DAB1: variants seen among roughly 807,000 people sequenced by gnomAD.
DAB1 encodes DAB adaptor protein 1.
In DAB1, 15 loss-of-function variants were observed where a neutral mutation model predicts 64.6. The ratio of observed to expected loss-of-function variants is 0.23; its 90% confidence interval spans 0.16 to 0.36. The LOEUF is 0.36. Among genes scored for constraint, DAB1 ranks in the 10% least tolerant of loss-of-function variants. The pLI is 1.00. For synonymous variants in DAB1, 235 were observed against 251.9 expected, an observed-to-expected ratio of 0.93 and a Z score of 0.64; for missense variants, 596 against 706.7, an observed-to-expected ratio of 0.84 and a Z score of 1.78.
exon 2 of DAB1, chr1:58,527,284 T>C: frequency 1.1e-6 from 1 of 872,380 alleles, no homozygotes; most frequent in Non-Finnish European, 2.0e-6. Context: ...AGTAGTCCAA[T>C]TTTGTCAGCT....
chr1:57,531,059 C>A lies in DAB1; in HGVS notation n.625+118533G>T, dbSNP rs556063540. Among the ~76,000 whole-genome samples, 4 of 152,282 alleles carry A rather than the reference C, an allele frequency of 2.6e-5. No homozygotes were observed. In the South Asian group the frequency reaches 8.3e-4, roughly 32 times the overall value. On this transcript the variant is annotated intron_variant and non_coding_transcript_variant, in intron 7 of 20. Transcript: ENST00000485760. ...AGGCAAATCAAGTACCAGTGTCAAGCCTCCGAGCCCAAGCTAAGCCATCAC... is the reference window on the plus strand; with the variant it reads ...AGGCAAATCAAGTACCAGTGTCAAGACTCCGAGCCCAAGCTAAGCCATCAC...
chr1:57,314,021 AT>A (rs1269598578), intron 1 of DAB1, among the ~76,000 whole-genome samples: 4 of 152,152 alleles, frequency 2.6e-5, no homozygotes, highest in Admixed American at 6.5e-5. Flanking sequence ...AATTTCTGTT[AT>A]TTACAAACCA....
chr1:57,322,831 G>C (rs1675831431), intron 1 of DAB1, among the ~76,000 whole-genome samples: 1 of 152,182 alleles, frequency 6.6e-6, no homozygotes, highest in Non-Finnish European at 1.5e-5. Context: ...TGAATGCACT[G>C]TTGCACCACC....
chr1:57,123,069 C>T (rs1656808106), intron 4 of DAB1, among the ~76,000 whole-genome samples: 1 of 151,946 alleles, frequency 6.6e-6, no homozygotes, highest in South Asian at 2.1e-4. Context: ...TCATTGAAAG[C>T]CAATGATCAG....
chr1:57,470,868 A>G (rs1687111407), intron 7 of DAB1, among the ~76,000 whole-genome samples: 1 of 152,212 alleles, frequency 6.6e-6, no homozygotes, highest in Non-Finnish European at 1.5e-5. Context: ...TCTCCCAACA[A>G]GGCAAATTGT....
At chr1:57,546,064 GGAGT>G (rs1346309743) in intron 7 of DAB1, among the ~76,000 whole-genome samples, 3 of 137,890 alleles carry the variant, frequency 2.2e-5, no homozygotes, top group Non-Finnish European at 4.6e-5. Flanking sequence ...TGAGCAGAGG[GGAGT>G]GTGTGTGTGT....
chr1:57,446,072 C>G (rs941393643), intron 7 of DAB1, among the ~76,000 whole-genome samples: 1 of 152,140 alleles, frequency 6.6e-6, no homozygotes, highest in African/African-American at 2.4e-5. Context: ...AGTAACTTGA[C>G]CAGTTTGTCA....
chr1:57,666,855 A>T (rs1646453636), intron 6 of DAB1, among the ~76,000 whole-genome samples: 1 of 123,812 alleles, frequency 8.1e-6, no homozygotes, highest in Non-Finnish European at 1.7e-5. Flanking sequence ...AAAAGGAGGG[A>T]GAGGGAGAGG....
chr1:57,763,883 G>T (rs556577197), intron 6 of DAB1, among the ~76,000 whole-genome samples: 1 of 152,206 alleles, frequency 6.6e-6, no homozygotes, highest in South Asian at 2.1e-4. Context: ...CCTGAGTGAA[G>T]AGAACCTCTC....
chr1:57,227,533 G>GTGTA (rs1667364763), intron 2 of DAB1, among the ~76,000 whole-genome samples: 1 of 149,654 alleles, frequency 6.7e-6, no homozygotes, highest in Non-Finnish European at 1.5e-5. Context: ...GTGTGTGTGT[G>GTGTA]TGTGTGTGTG....
chr1:57,757,066 AC>A (rs1290493001), intron 6 of DAB1, among the ~76,000 whole-genome samples: 1 of 152,098 alleles, frequency 6.6e-6, no homozygotes, highest in Non-Finnish European at 1.5e-5. Flanking sequence ...TGTTTCTCAA[AC>A]TTTTAAGTGC....
chr1:58,307,337 CCCTT>C (rs1474654160), intron 4 of DAB1, among the ~76,000 whole-genome samples: 3 of 152,116 alleles, frequency 2.0e-5, no homozygotes, highest in African/African-American at 7.2e-5. Flanking sequence ...TTGGCCCCTG[CCCTT>C]CAGAAGTTTA....
chr1:57,691,506 G>A lies in DAB1; in HGVS notation n.552-41841C>T, dbSNP rs555658705. Among the ~76,000 whole-genome samples the A allele has an allele frequency of 2.5e-4, 38 of 152,000 alleles. 1 individual carries two copies. The South Asian group carries it at 3.3e-3, about 13-fold the overall frequency. ...CATGCTGTGGAAGCTTTATTCTTTC[G>A]CTCTTCACAATAAATCTTGCTACTG... On this transcript the variant is annotated intron_variant and non_coding_transcript_variant, in intron 6 of 20. Coordinates refer to the DAB1 transcript ENST00000485760.
At chr1:57,262,848 G>A (rs1400191643) in intron 2 of DAB1, among the ~76,000 whole-genome samples, 3 of 152,130 alleles carry the variant, frequency 2.0e-5, no homozygotes, top group Non-Finnish European at 2.9e-5. Flanking sequence ...TATGGGCCCC[G>A]TGCCCTAAGG....
At chr1:57,825,857 AG>A (rs1382170252), downstream of DAB1, among the ~76,000 whole-genome samples, 1 of 152,152 alleles carries the variant, frequency 6.6e-6, no homozygotes, top group Non-Finnish European at 1.5e-5. Flanking sequence ...GAAAGGGTAA[AG>A]AAACACCATC....
Position 58,050,677 on chromosome 1 carries a change from C to T in DAB1, n.387+99834G>A, listed in dbSNP as rs1435599225. 3.9e-5 allele frequency among the ~76,000 whole-genome samples: 6 copies of T among 152,126 alleles called. No individual in the cohort carries two copies. In the East Asian group the frequency reaches 1.2e-3, roughly 30 times the overall value. The stretch of plus-strand genomic sequence containing the variant: ...CCCGAGCAGCTGGGACTACAGGTGC[C>T]CGCCACCTCGCCTGGCTAATTTTTT... On this transcript the variant is annotated intron_variant and non_coding_transcript_variant, in intron 5 of 20. Transcript: ENST00000485760.
intron 4 of DAB1, among the ~76,000 whole-genome samples, chr1:58,246,975 G>A (rs1361612474): frequency 6.6e-6 from 1 of 152,018 alleles, no homozygotes; most frequent in African/African-American, 2.4e-5. Context: ...GATGGTGAAA[G>A]GCCTTGAAGT....
chr1:57,051,125 A>G (rs978271315), intron 9 of DAB1, among the ~76,000 whole-genome samples: 1 of 152,222 alleles, frequency 6.6e-6, no homozygotes, highest in Admixed American at 6.5e-5. Flanking sequence ...ATCTCAGGAC[A>G]ATGTTTGTTA....
At chr1:58,377,678 G>A (rs1417666707) in intron 3 of DAB1, among the ~76,000 whole-genome samples, 3 of 140,042 alleles carry the variant, frequency 2.1e-5, no homozygotes, top group African/African-American at 8.2e-5. Context: ...TCTTCTCGAA[G>A]AGTATCTTTG....
Sources: allele counts gnomAD v4.1 joint callset (sites outside exome capture counted in the v4.1 genomes callset), GRCh38; gene constraint gnomAD v4.1.1; transcripts MANE v1.5; gene names NCBI Gene and HGNC (gene_info 2026-07-23, HGNC 2026-07-21).